CNTN4: variants seen among roughly 807,000 people sequenced by gnomAD.
CNTN4 encodes contactin-4.
CNTN4 carries 77 observed loss-of-function variants against 122.5 expected under a neutral mutation model. The observed-to-expected ratio is 0.63, with a 90% CI of 0.52 to 0.76. The LOEUF is 0.76. CNTN4 is among the 30% of genes least tolerant of loss of function. The pLI is 0.00. For synonymous variants in CNTN4, 512 were observed against 447.0 expected (o/e 1.15, Z -1.83); for missense variants, 1,256 against 1,259.1 (o/e 1.00, Z 0.04).
intron 7 of CNTN4, among the ~76,000 whole-genome samples, chr3:2,827,664 T>C (rs1231927482): frequency 6.6e-6 from 1 of 152,248 alleles, no homozygotes; most frequent in Non-Finnish European, 1.5e-5. Flanking sequence ...AAAATTGCTA[T>C]TAAAGACTTT....
At chr3:2,914,130 C>A (rs1577249941) in intron 12 of CNTN4, among the ~76,000 whole-genome samples, 1 of 151,900 alleles carries the variant, frequency 6.6e-6, no homozygotes, top group Admixed American at 6.6e-5. Context: ...ATACAACATA[C>A]CAAAACTTAC....
At chr3:2,859,062 C>T (rs572428707) in intron 7 of CNTN4, among the ~76,000 whole-genome samples, 2 of 152,304 alleles carry the variant, frequency 1.3e-5, no homozygotes, top group Non-Finnish European at 2.9e-5. Flanking sequence ...CTCCAACCTC[C>T]CTGCTCCCCA....
intron 2 of CNTN4, among the ~76,000 whole-genome samples, chr3:2,271,311 C>T (rs1179478903): frequency 2.0e-5 from 3 of 152,060 alleles, no homozygotes; most frequent in East Asian, 1.9e-4. Flanking sequence ...TACAGCTGGG[C>T]TGTAATCTTG....
intron 2 of CNTN4, among the ~76,000 whole-genome samples, 189 bp downstream of exon 2, chr3:2,100,828 TGAG>T (rs574269727): frequency 1.7e-3 from 252 of 152,324 alleles, no homozygotes; most frequent in African/African-American, 4.5e-3. Context: ...TCTGTCTTGT[TGAG>T]GAGAGATGAT....
chr3:2,544,717 C>T (rs1179940596), intron 3 of CNTN4, among the ~76,000 whole-genome samples: 1 of 151,070 alleles, frequency 6.6e-6, no homozygotes, highest in Non-Finnish European at 1.5e-5. Flanking sequence ...GTGGTAATGT[C>T]CCCTTTGTCG....
chr3:3,022,792 T>A (rs1698412598), intron 14 of CNTN4, among the ~76,000 whole-genome samples: 1 of 152,180 alleles, frequency 6.6e-6, no homozygotes, highest in Non-Finnish European at 1.5e-5. Flanking sequence ...GCATCAGTCC[T>A]CTGGAGTTCA....
intron 2 of CNTN4, among the ~76,000 whole-genome samples, chr3:2,151,212 A>G (rs1286253561): frequency 6.6e-6 from 1 of 152,202 alleles, no homozygotes; most frequent in Non-Finnish European, 1.5e-5. Flanking sequence ...GGCATGAGCC[A>G]CTTCGCCTGG....
At chr3:2,501,402 G>A (rs1004243872) in intron 3 of CNTN4, among the ~76,000 whole-genome samples, 7 of 152,134 alleles carry the variant, frequency 4.6e-5, no homozygotes, top group Non-Finnish European at 1.0e-4. Context: ...AAATTTCATG[G>A]CTTAAAACAA....
At chr3:2,789,777 T>G (rs1243049296) in intron 6 of CNTN4, among the ~76,000 whole-genome samples, 2 of 152,104 alleles carry the variant, frequency 1.3e-5, no homozygotes, top group Non-Finnish European at 2.9e-5. Context: ...AAGAACAATG[T>G]AGAGAGGTTT....
At chr3:2,559,798 G>A (rs1205708248) in intron 3 of CNTN4, among the ~76,000 whole-genome samples, 1 of 152,180 alleles carries the variant, frequency 6.6e-6, no homozygotes, top group African/African-American at 2.4e-5. Flanking sequence ...ACTAAAGCAT[G>A]ATGATACTGA....
intron 4 of CNTN4, among the ~76,000 whole-genome samples, chr3:2,571,848 G>A (rs1215764282): frequency 3.3e-5 from 5 of 151,828 alleles, no homozygotes; most frequent in Non-Finnish European, 7.4e-5. Flanking sequence ...TCATCCCAGT[G>A]CCCAGTTGCA....
At chr3:2,541,220 A>C (rs1206701068) in intron 3 of CNTN4, among the ~76,000 whole-genome samples, 2 of 152,096 alleles carry the variant, frequency 1.3e-5, no homozygotes, top group African/African-American at 4.8e-5. Context: ...GCACAGGGCA[A>C]CTTTGGCTAA....
At chr3:2,839,857 A>T (rs1311607131) in intron 7 of CNTN4, among the ~76,000 whole-genome samples, 1 of 152,238 alleles carries the variant, frequency 6.6e-6, no homozygotes, top group Non-Finnish European at 1.5e-5. Flanking sequence ...TTGGTCTTCA[A>T]TGGGAATCCC....
rs370711404 is a variant in CNTN4, at chr3:2,902,968, T to C, written c.1170T>C (p.His390=). Residue 390 remains histidine (H), a synonymous_variant, in exon 12 of 25, where the codon CAT becomes CAC. Transcript: ENST00000418658. Reference sequence around the variant, plus strand: ...ATCAGTGTTTGGCAGAGAATAAACATGGAGTTATCTTTTCCAACGCAGAGC... The same window carrying C: ...ATCAGTGTTTGGCAGAGAATAAACACGGAGTTATCTTTTCCAACGCAGAGC... The part of the protein sequence containing the change: ...GMYQCLAENK[H]GVIFSNAELS... The C allele has an allele frequency of 1.9e-6, 3 of 1,613,744 alleles. No homozygotes were observed. Among genetic ancestry groups the C allele is most frequent in the Non-Finnish European group, 2.5e-6 (3 of 1,179,894 alleles).
chr3:2,614,008 A>G (rs1049169491), intron 4 of CNTN4, among the ~76,000 whole-genome samples: 1 of 152,170 alleles, frequency 6.6e-6, no homozygotes, highest in African/African-American at 2.4e-5. Context: ...ACTTTTTCTC[A>G]AAGAGCTAAC....
chr3:2,847,362 C>T (rs897488413), intron 7 of CNTN4, among the ~76,000 whole-genome samples: 6 of 152,066 alleles, frequency 3.9e-5, no homozygotes, highest in African/African-American at 1.4e-4. Flanking sequence ...CAGACTCCTT[C>T]CACAAGCTAA....
At chr3:2,203,416 C>T (rs1182024069) in intron 2 of CNTN4, among the ~76,000 whole-genome samples, 2 of 152,000 alleles carry the variant, frequency 1.3e-5, no homozygotes, top group African/African-American at 4.8e-5. Context: ...TGAATAATAT[C>T]CAGATTCTGC....
At chr3:2,547,925 A>G (rs1438193644) in intron 3 of CNTN4, among the ~76,000 whole-genome samples, 3 of 152,150 alleles carry the variant, frequency 2.0e-5, no homozygotes, top group Non-Finnish European at 4.4e-5. Flanking sequence ...GGCAAAAAGG[A>G]AAACAAAATG....
intron 2 of CNTN4, among the ~76,000 whole-genome samples, chr3:2,186,870 G>A (rs1327170097): frequency 6.6e-6 from 1 of 152,158 alleles, no homozygotes; most frequent in Non-Finnish European, 1.5e-5. Flanking sequence ...CTCCCATTCT[G>A]TAGGTTGCCT....
Sources: gnomAD v4.1 joint callset for allele counts (sites outside exome capture counted in the v4.1 genomes callset) on GRCh38, gnomAD v4.1.1 for gene constraint, MANE v1.5 for transcripts, NCBI Gene and HGNC (gene_info 2026-07-23, HGNC 2026-07-21) for gene names.